The following RNF166 variants were observed in gnomAD, a reference collection of about 807,000 sequenced individuals.
RNF166 encodes E3 ubiquitin-protein ligase RNF166.
Under a neutral mutation model 29.4 loss-of-function variants are expected in RNF166, and 19 were observed. The observed-to-expected ratio is 0.65, with a 90% CI of 0.45 to 0.95. The LOEUF is 0.95. Ranked by LOEUF, RNF166 falls within the 40% of genes least tolerant of loss-of-function variation. RNF166 has a pLI of 0.00. For synonymous variants in RNF166, 171 were observed against 134.5 expected (o/e 1.27, Z -1.88); for missense variants, 347 against 322.1 (o/e 1.08, Z -0.59).
intron 1 of RNF166, among the ~76,000 whole-genome samples, chr16:88,701,802 G>A (rs532556803): frequency 3.3e-5 from 5 of 152,196 alleles, no homozygotes; most frequent in Admixed American, 3.3e-4. Flanking sequence ...GACAGCCCGG[G>A]GACTCTGGAA....
rs1204453918 is a variant in RNF166, at chr16:88,698,533, T to G, written c.617A>C (p.His206Pro). The G allele has an allele frequency of 6.4e-7, 1 of 1,573,936 alleles. No individual in the cohort carries two copies. ...KSANFLQHLL[H>P]RHKFSYDTFV... ...GGTGTCGTAGGAGAACTTGTGTCGG[T>G]GAAGCAGGTGCTGCAGGAAGTTGGC... Residue 206 changes from histidine to proline, a missense_variant, in exon 5 of 6, where the codon CAC becomes CCC. By Grantham distance (77) the His-to-Pro change is moderately conservative (BLOSUM62 -2). Coordinates refer to ENST00000312838, the MANE Select transcript of RNF166 (RefSeq NM_178841.4).
chr16:88,706,249 C>T lies in RNF166; in HGVS notation c.77G>A (p.Gly26Asp), dbSNP rs1416192129. 7.7e-7 allele frequency: 1 copy of T among 1,305,944 alleles called. No homozygotes were observed. The highest frequency in any genetic ancestry group is 9.8e-7 in the Non-Finnish European group (1 of 1,024,508). The allele number at this position is 1,305,944 out of a possible 1,614,324, so 80.9% of individuals were successfully genotyped here. A position where few individuals can be genotyped will look rare whatever the true frequency, so the allele number is the denominator to read the frequency against. ...PPAGPAGGDS[G>D]LEAQYTCPIC... ...GGGGCAGGTGTACTGCGCCTCCAGG[C>T]CGCTGTCGCCGCCCGCCGGCCCGGC... Residue 26 changes from glycine to aspartate, a missense_variant, in exon 1 of 6, where the codon GGC becomes GAC. By Grantham distance (94) the Gly-to-Asp change is moderately conservative (BLOSUM62 -1). Coordinates refer to ENST00000312838, the MANE Select transcript of RNF166 (RefSeq NM_178841.4).
intron 1 of RNF166, chr16:88,704,208 A>G (rs1910543349): frequency 7.1e-6 from 7 of 985,458 alleles, no homozygotes; most frequent in Non-Finnish European, 8.4e-6. Context: ...AGAGCCTTTA[A>G]ACTTTCTGTG....
At chr16:88,698,636 A>C in intron 4 of RNF166, 27 bp from the exon 5 acceptor site, 1 of 1,475,788 alleles carries the variant, frequency 6.8e-7, no homozygotes, top group Non-Finnish European at 9.1e-7. Context: ...GGTCAAGCCG[A>C]GCCGGACCGC....
intron 1 of RNF166, chr16:88,704,326 T>C (rs1910552602): frequency 1.0e-6 from 1 of 985,350 alleles, no homozygotes; most frequent in Non-Finnish European, 1.2e-6. Context: ...AGAAAAATCT[T>C]TGAAAGGCAA....
intron 2 of RNF166, chr16:88,700,788 C>T: frequency 2.0e-6 from 2 of 1,022,298 alleles, no homozygotes; most frequent in South Asian, 3.3e-5. Context: ...CCTTACGCTG[C>T]TCTGATGTGG....
At chr16:88,699,581 C>A in intron 3 of RNF166, 39 bp downstream of exon 3, 1 of 1,523,722 alleles carries the variant, frequency 6.6e-7, no homozygotes, top group Non-Finnish European at 9.0e-7. Flanking sequence ...AGGAAACCGC[C>A]GAGGACAGTT....
chr16:88,698,258 G>T (rs950077741), intron 5 of RNF166: 2 of 687,134 alleles, frequency 2.9e-6, no homozygotes, highest in African/African-American at 3.5e-5. Flanking sequence ...GCAGGGACCT[G>T]CCCTGTGCGG....
intron 1 of RNF166, chr16:88,704,281 A>G (rs979276310): frequency 1.2e-5 from 12 of 985,382 alleles, no homozygotes; most frequent in Non-Finnish European, 1.3e-5. Flanking sequence ...GAGAGAGAAC[A>G]GCCAGAAAAC....
chr16:88,700,717 G>T, intron 2 of RNF166: 1 of 987,680 alleles, frequency 1.0e-6, no homozygotes, highest in Non-Finnish European at 1.2e-6. Context: ...CACGGGGCAC[G>T]GGCCAGGCAC....
chr16:88,700,912 C>CT, intron 2 of RNF166: 4 of 1,158,924 alleles, frequency 3.5e-6, no homozygotes, highest in Non-Finnish European at 4.3e-6. Flanking sequence ...CCCCCAGCGC[C>CT]GTCCCCGGTA....
intron 4 of RNF166, 94 bp downstream of exon 4, chr16:88,698,877 C>A (rs963192957): frequency 4.0e-5 from 41 of 1,022,964 alleles, no homozygotes; most frequent in Non-Finnish European, 5.6e-5. Context: ...GGCCTGGGCA[C>A]CCCCGGACTC....
In RNF166 at chr16:88,698,491, G is replaced by T. The variant is rs763608765; in HGVS notation, c.648+11C>A. 6.4e-7 allele frequency: 1 copy of T among 1,553,486 alleles called. No homozygotes were observed. Among genetic ancestry groups the T allele is most frequent in the Non-Finnish European group, 8.7e-7 (1 of 1,146,126 alleles). ...GGGCGTGGGGGAGGACGGTGCTGGC[G>T]GGATGCCTACCACAAAGGTGTCGTA... On this transcript the variant is annotated intron_variant, in intron 5 of 5. Coordinates refer to ENST00000312838, the MANE Select transcript of RNF166 (RefSeq NM_178841.4).
chr16:88,703,058 C>G (rs1910419932), intron 1 of RNF166: 1 of 985,432 alleles, frequency 1.0e-6, no homozygotes, highest in Non-Finnish European at 1.2e-6. Context: ...GCAGCCCCAC[C>G]ACGCACCGGA....
At chr16:88,702,876 C>T (rs554219488) in intron 1 of RNF166, 206 of 985,502 alleles carry the variant, frequency 2.1e-4, no homozygotes, top group African/African-American at 1.2e-3. Context: ...CACCCGTTCA[C>T]GGGAGGAAGG....
chr16:88,702,942 T>C, intron 1 of RNF166: 1 of 985,470 alleles, frequency 1.0e-6, no homozygotes, highest in Non-Finnish European at 1.2e-6. Flanking sequence ...ACTCAGGCAC[T>C]CATGGCAGGA....
At position 88,701,170 on chromosome 16, in the gene RNF166, G is replaced by A. The variant is rs939711081; in HGVS notation, c.312+92C>T. 6 of 1,508,866 alleles carry A rather than the reference G, an allele frequency of 4.0e-6. No homozygotes were observed. The East Asian group carries it at 1.1e-4, about 28-fold the overall frequency. 93.5% of individuals were successfully genotyped at this position (1,508,866 alleles called of 1,614,324 possible). ...CCGCGATTACTCAACAGGAAAGAGA[G>A]AGGGCCCCGGCCCCCACCCTCTGCA... On this transcript the variant is annotated intron_variant, in intron 2 of 5. Coordinates refer to ENST00000312838, the MANE Select transcript of RNF166 (RefSeq NM_178841.4).
intron 1 of RNF166, among the ~76,000 whole-genome samples, chr16:88,705,864 G>A (rs1280814196): frequency 1.3e-5 from 2 of 152,200 alleles, no homozygotes; most frequent in East Asian, 3.8e-4. Flanking sequence ...CTGAGTACCG[G>A]AGCGCCCGCC....
At chr16:88,702,784 T>C in intron 1 of RNF166, 1 of 985,364 alleles carries the variant, frequency 1.0e-6, no homozygotes, top group Non-Finnish European at 1.2e-6. Context: ...TCACCCGAGT[T>C]CTCACCAGGC....
Sources: allele counts gnomAD v4.1 joint callset (sites outside exome capture counted in the v4.1 genomes callset), GRCh38; gene constraint gnomAD v4.1.1; transcripts MANE v1.5; gene names NCBI Gene and HGNC (gene_info 2026-07-23, HGNC 2026-07-21).